The following LPCAT2 variants were observed in gnomAD, a reference collection of about 807,000 sequenced individuals.
LPCAT2 encodes 1-AGP acyltransferase 11.
In LPCAT2, 58 loss-of-function variants were observed where a neutral mutation model predicts 64.7. The observed-to-expected ratio is 0.90, with a 90% CI of 0.73 to 1.12. The LOEUF is 1.12. LPCAT2 is among the 50% of genes most tolerant of loss of function. The pLI is 0.00. For missense variants in LPCAT2, 579 were observed against 669.8 expected (o/e 0.86, Z 1.50); for synonymous variants, 252 against 245.3 (o/e 1.03, Z -0.26).
chr16:55,519,019 A>G (rs1177471858), intron 1 of LPCAT2, among the ~76,000 whole-genome samples: 1 of 152,226 alleles, frequency 6.6e-6, no homozygotes, highest in African/African-American at 2.4e-5. Flanking sequence ...ATATTTGCAA[A>G]TTATACATTT....
Position 55,576,553 on chromosome 16 carries a change from G to A in LPCAT2, c.1314+1824G>A, listed in dbSNP as rs146050930. ...TTCAGAGGTCCTGGCTGCAGGAACAGCCTTACAACCTCCCTGGCCACTGCA... is the reference window on the plus strand; with the variant it reads ...TTCAGAGGTCCTGGCTGCAGGAACAACCTTACAACCTCCCTGGCCACTGCA... On this transcript the variant is annotated intron_variant, in intron 12 of 13. Transcript: ENST00000262134. Among the ~76,000 whole-genome samples the A allele has an allele frequency of 6.6e-5, 10 of 152,190 alleles. 1 individual carries two copies. Among genetic ancestry groups the A allele is most frequent in the Non-Finnish European group, 1.5e-4 (10 of 68,034 alleles).
intron 11 of LPCAT2, among the ~76,000 whole-genome samples, chr16:55,573,186 C>T (rs753207869): frequency 6.6e-6 from 1 of 152,140 alleles, no homozygotes; most frequent in African/African-American, 2.4e-5. Flanking sequence ...GTTTTGGTTG[C>T]TTTGAGAAGC....
chr16:55,544,559 A>T (rs1261053333), intron 8 of LPCAT2, among the ~76,000 whole-genome samples: 1 of 152,240 alleles, frequency 6.6e-6, no homozygotes, highest in Non-Finnish European at 1.5e-5. Context: ...TAAAACACCT[A>T]GCATGATGCC....
chr16:55,512,993 A>G (rs1962955730), intron 1 of LPCAT2, among the ~76,000 whole-genome samples: 1 of 152,222 alleles, frequency 6.6e-6, no homozygotes, highest in Non-Finnish European at 1.5e-5. Flanking sequence ...ACAGAAATCA[A>G]CATTCTTTAG....
rs1394624726 is a variant in LPCAT2 at position 55,583,061 on chromosome 16, A to T, written c.1598A>T (p.Lys533Met). 6.2e-6 allele frequency: 10 copies of T among 1,613,692 alleles called. No homozygotes were observed. The Admixed American group carries it at 1.7e-4, about 27-fold the overall frequency. ...STASNKVSPE[K>M]HEESTSDKKD... ...GCCAGTAATAAAGTCAGCCCTGAAA[A>T]GCATGAAGAGAGTACCTCAGACAAA... Residue 533 changes from lysine (K) to methionine (M), a missense_variant, in exon 14 of 14, where the codon AAG becomes ATG. Lys to Met is a moderately conservative substitution (Grantham distance 95). Coordinates refer to ENST00000262134, the MANE Select transcript of LPCAT2 (RefSeq NM_017839.5).
At chr16:55,540,623 T>C (rs1963384816) in intron 8 of LPCAT2, 1 of 153,242 alleles carries the variant, frequency 6.5e-6, no homozygotes, top group African/African-American at 2.4e-5. Context: ...TCATAGGCTA[T>C]ATCTCAGTTT....
intron 11 of LPCAT2, chr16:55,556,851 A>T (rs1026774352): frequency 6.6e-6 from 1 of 152,230 alleles, no homozygotes; most frequent in Admixed American, 6.5e-5. Flanking sequence ...TAACTATAGG[A>T]GGATTTGAGT....
At chr16:55,576,587 G>A (rs1169408697) in intron 12 of LPCAT2, among the ~76,000 whole-genome samples, 4 of 152,322 alleles carry the variant, frequency 2.6e-5, no homozygotes, top group African/African-American at 7.2e-5. Flanking sequence ...CAGTTAAAAT[G>A]AGCAAACTCC....
At chr16:55,550,706 T>C (rs183264574) in intron 10 of LPCAT2, among the ~76,000 whole-genome samples, 29 of 152,218 alleles carry the variant, frequency 1.9e-4, no homozygotes, top group African/African-American at 7.0e-4. Flanking sequence ...ACGAGGTCAA[T>C]AGATCGAGAC....
At chr16:55,531,103 T>C (rs1406391076) in intron 4 of LPCAT2, among the ~76,000 whole-genome samples, 2 of 152,170 alleles carry the variant, frequency 1.3e-5, no homozygotes, top group Non-Finnish European at 2.9e-5. Flanking sequence ...AACTGGAGAA[T>C]GGAATTATAT....
At position 55,585,544 on chromosome 16, in the gene LPCAT2, T is replaced by G. The variant is rs1963934893; in HGVS notation, c.*2446T>G. Reference sequence around the variant, plus strand: ...TAAGTCAGTTAAATGCACCATGGCTTCATATAGTAATATAAAAAAACTCTT... The same window carrying G: ...TAAGTCAGTTAAATGCACCATGGCTGCATATAGTAATATAAAAAAACTCTT... On this transcript the variant is annotated 3_prime_UTR_variant, in exon 14 of 14. Coordinates refer to ENST00000262134, the MANE Select transcript of LPCAT2 (RefSeq NM_017839.5). The G allele has an allele frequency of 6.6e-6, 1 of 152,240 alleles. No homozygotes were observed. The highest frequency in any genetic ancestry group is 1.9e-4 in the East Asian group (1 of 5,202). The allele number at this position is 152,240 out of a possible 1,614,324, so 9.4% of individuals were successfully genotyped here.
At chr16:55,553,811 C>A (rs1963545250) in intron 11 of LPCAT2, among the ~76,000 whole-genome samples, 1 of 152,194 alleles carries the variant, frequency 6.6e-6, no homozygotes, top group Non-Finnish European at 1.5e-5. Flanking sequence ...CAGCTATAGC[C>A]TTATAGCATT....
intron 9 of LPCAT2, among the ~76,000 whole-genome samples, chr16:55,547,895 G>A (rs1963472151): frequency 1.3e-5 from 2 of 152,034 alleles, no homozygotes; most frequent in Admixed American, 6.5e-5. Flanking sequence ...AGCCTCCTGA[G>A]TAGCTGGGAT....
intron 1 of LPCAT2, among the ~76,000 whole-genome samples, chr16:55,509,975 G>A (rs543102353): frequency 2.8e-5 from 4 of 140,588 alleles, no homozygotes; most frequent in Non-Finnish European, 6.2e-5. Flanking sequence ...CTACGGGAGA[G>A]TAGATTTGAA....
intron 9 of LPCAT2, among the ~76,000 whole-genome samples, chr16:55,546,061 A>G (rs1963450508): frequency 6.6e-6 from 1 of 152,166 alleles, no homozygotes; most frequent in Non-Finnish European, 1.5e-5. Flanking sequence ...TACAATAACC[A>G]GAAAAGACCA....
intron 12 of LPCAT2, among the ~76,000 whole-genome samples, chr16:55,578,158 C>T (rs1290828686): frequency 6.6e-6 from 1 of 152,150 alleles, no homozygotes; most frequent in Non-Finnish European, 1.5e-5. Context: ...CTACTCATAC[C>T]TCAGCTGTTG....
At chr16:55,574,319 T>C (rs1963802959) in intron 11 of LPCAT2, among the ~76,000 whole-genome samples, 1 of 152,154 alleles carries the variant, frequency 6.6e-6, no homozygotes, top group Non-Finnish European at 1.5e-5. Context: ...ATGAAACTCA[T>C]AGGTCCTGCC....
At chr16:55,543,615 T>C (rs1963420834) in intron 8 of LPCAT2, among the ~76,000 whole-genome samples, 1 of 152,190 alleles carries the variant, frequency 6.6e-6, no homozygotes, top group South Asian at 2.1e-4. Flanking sequence ...TTTAGAAATA[T>C]TTCTTTGCCA....
chr16:55,564,085 GA>G (rs1469048679), intron 11 of LPCAT2, among the ~76,000 whole-genome samples: 4 of 151,710 alleles, frequency 2.6e-5, no homozygotes, highest in Non-Finnish European at 5.9e-5. Context: ...AGGAAACTAA[GA>G]AAACAATTCC....
Sources: gnomAD v4.1 joint callset for allele counts (sites outside exome capture counted in the v4.1 genomes callset) on GRCh38, gnomAD v4.1.1 for gene constraint, MANE v1.5 for transcripts, NCBI Gene and HGNC (gene_info 2026-07-23, HGNC 2026-07-21) for gene names.